The following BAZ2A variants were observed in gnomAD, a reference collection of about 807,000 sequenced individuals.
The protein encoded by BAZ2A is bromodomain adjacent to zinc finger domain protein 2A.
BAZ2A carries 34 observed loss-of-function variants against 199.9 expected under a neutral mutation model. The ratio of observed to expected loss-of-function variants is 0.17; its 90% confidence interval spans 0.13 to 0.23. The LOEUF is 0.23. Among genes scored for constraint, BAZ2A ranks in the 10% least tolerant of loss-of-function variants. The pLI, the probability that BAZ2A is intolerant of heterozygous loss-of-function variation, is 1.00. For missense variants in BAZ2A, 2,002 were observed against 2,391.1 expected (o/e 0.84, Z 3.39); for synonymous variants, 857 against 883.9 (o/e 0.97, Z 0.54).
intron 1 of BAZ2A, among the ~76,000 whole-genome samples, chr12:56,628,177 C>CA (rs57372528): frequency 0.16 from 4,486 of 28,376 alleles, 806 homozygotes; most frequent in African/African-American, 0.48. Flanking sequence ...AACTCCGTCT[C>CA]AAAAAAAAAA....
At chr12:56,630,776 C>G, upstream of BAZ2A, 3 of 985,626 alleles carry the variant, frequency 3.0e-6, no homozygotes, top group Non-Finnish European at 3.6e-6. Flanking sequence ...ACCCACTCAC[C>G]TCTGTCCCTT....
At chr12:56,608,782 T>G (rs1156618276) in intron 10 of BAZ2A, among the ~76,000 whole-genome samples, 1 of 151,360 alleles carries the variant, frequency 6.6e-6, no homozygotes, top group Non-Finnish European at 1.5e-5. Context: ...TTGGTCAGGC[T>G]GGTCTTGAAC....
upstream of BAZ2A, among the ~76,000 whole-genome samples, chr12:56,637,034 T>C (rs1443687434): frequency 6.6e-6 from 1 of 152,192 alleles, no homozygotes; most frequent in Non-Finnish European, 1.5e-5. Flanking sequence ...TCTACCTAAC[T>C]TGATGGACTC....
chr12:56,601,424 A>G, intron 20 of BAZ2A, 22 bp from the exon 21 acceptor site: 1 of 1,604,544 alleles, frequency 6.2e-7, no homozygotes, highest in Non-Finnish European at 8.5e-7. Flanking sequence ...ATGAGACATA[A>G]GGAAATGAGG....
At chr12:56,635,049 C>T, upstream of BAZ2A, 1 of 984,572 alleles carries the variant, frequency 1.0e-6, no homozygotes, top group Non-Finnish European at 1.2e-6. This position sits in a 1 kb window ranked among gnomAD's most constrained non-coding sequence, Gnocchi z 4.1. Context: ...CCGGCGGCGG[C>T]GGAGGGGAGG....
intron 18 of BAZ2A, 53 bp from the exon 19 acceptor site, chr12:56,602,910 G>A: frequency 6.5e-7 from 1 of 1,548,302 alleles, no homozygotes; most frequent in Non-Finnish European, 8.8e-7. Context: ...GAGTGACAGT[G>A]GTGAATTCAT....
chr12:56,634,832 C>A (rs1322828401), upstream of BAZ2A: 30 of 899,292 alleles, frequency 3.3e-5, no homozygotes, highest in Non-Finnish European at 3.9e-5. Context: ...GGGCAGCTCC[C>A]TCAGGGGGAG....
chr12:56,612,665 C>T, intron 5 of BAZ2A, among the ~76,000 whole-genome samples: 1 of 152,166 alleles, frequency 6.6e-6, no homozygotes, highest in Non-Finnish European at 1.5e-5. Flanking sequence ...CTCTGTTGCC[C>T]AGGTTGGAGT....
Position 56,621,120 on chromosome 12 carries a change from C to T in BAZ2A, c.-2-3588G>A, listed in dbSNP as rs2137191356. On this transcript the variant is annotated intron_variant, in intron 1 of 28. Transcript: ENST00000549884. ...CTCTCCCCAGTTTTTTGTACACCTC[C>T]CCTGGTGTGGAGGATACATGCAACT... 4.1e-6 allele frequency: 4 copies of T among 985,340 alleles called. No homozygotes were observed. The South Asian group carries it at 1.9e-4, about 46-fold the overall frequency. The allele number at this position is 985,340 out of a possible 1,614,324, so 61.0% of individuals were successfully genotyped here.
chr12:56,623,301 C>T (rs1172595133), intron 1 of BAZ2A, among the ~76,000 whole-genome samples: 3 of 152,010 alleles, frequency 2.0e-5, no homozygotes, highest in Non-Finnish European at 2.9e-5. Context: ...TATTGCAACA[C>T]TGTTACAGGT....
upstream of BAZ2A, among the ~76,000 whole-genome samples, chr12:56,632,435 G>A (rs1305312942): frequency 1.3e-5 from 2 of 152,088 alleles, no homozygotes; most frequent in Non-Finnish European, 2.9e-5. Flanking sequence ...CGGGGACTGG[G>A]CAGGCAGGGG....
At chr12:56,634,623 T>C (rs1951402280), upstream of BAZ2A, among the ~76,000 whole-genome samples, 1 of 151,812 alleles carries the variant, frequency 6.6e-6, no homozygotes, top group South Asian at 2.1e-4. Context: ...GGGAAAGCGC[T>C]AGTTCAGAGG....
intron 1 of BAZ2A, among the ~76,000 whole-genome samples, chr12:56,620,048 T>C (rs529985974): frequency 7.8e-4 from 119 of 152,184 alleles, no homozygotes; most frequent in Non-Finnish European, 1.4e-3. Context: ...ATCTCCCATA[T>C]AGGATATCTC....
chr12:56,617,543 GGAGA>G lies in BAZ2A; in HGVS notation c.-2-15_-2-12del. ...CGTTTGCCTCCATTTCTGCAGGAGG[GGAGA>G]GAGAGGGAAAAAAAATACTGGCGGT... On this transcript the variant is annotated splice_polypyrimidine_tract_variant and intron_variant, in intron 1 of 28. Transcript: ENST00000549884. 1 of 1,599,116 alleles carries G rather than the reference GGAGA, an allele frequency of 6.3e-7. No homozygotes were observed. Among genetic ancestry groups the G allele is most frequent in the Middle Eastern group, 1.7e-4 (1 of 5,998 alleles).
chr12:56,606,866 T>A, intron 10 of BAZ2A, 133 bp from the exon 11 acceptor site: 1 of 715,874 alleles, frequency 1.4e-6, no homozygotes, highest in South Asian at 1.7e-5. Flanking sequence ...CTTTTTTTTT[T>A]TTTAAGTATA....
At chr12:56,609,031 G>A (rs186834023) in intron 10 of BAZ2A, among the ~76,000 whole-genome samples, 373 of 151,502 alleles carry the variant, frequency 2.5e-3, no homozygotes, top group Middle Eastern at 6.8e-3. Flanking sequence ...ACACCACCAC[G>A]CCCAGCTAAT....
At chr12:56,615,696 A>G in intron 2 of BAZ2A, 89 bp from the exon 3 acceptor site, 3 of 1,046,570 alleles carry the variant, frequency 2.9e-6, no homozygotes, top group Non-Finnish European at 4.1e-6. Flanking sequence ...ACTGACTAGA[A>G]AAAGACATGG....
upstream of BAZ2A, among the ~76,000 whole-genome samples, chr12:56,633,812 G>A (rs1481694450): frequency 6.6e-6 from 1 of 152,194 alleles, no homozygotes; most frequent in Middle Eastern, 3.4e-3. Flanking sequence ...ATCTCAGCTC[G>A]CTGCAACCTA....
At position 56,617,580 on chromosome 12, in the gene BAZ2A, G is replaced by C. The variant is rs574390188; in HGVS notation, c.-2-48C>G. 15 of 1,556,090 alleles carry C rather than the reference G, an allele frequency of 9.6e-6. 1 individual carries two copies. The Admixed American group carries it at 2.2e-4, about 23-fold the overall frequency. On this transcript the variant is annotated intron_variant, in intron 1 of 28. Coordinates refer to ENST00000549884, the MANE Select transcript of BAZ2A (RefSeq NM_001300905.2). ...AAAAAAAATACTGGCGGTTAAACAAGGTTATGTCACCTGGAATCTTCCAGG... is the reference window on the plus strand; with the variant it reads ...AAAAAAAATACTGGCGGTTAAACAACGTTATGTCACCTGGAATCTTCCAGG...
Sources: allele counts gnomAD v4.1 joint callset (sites outside exome capture counted in the v4.1 genomes callset), GRCh38; gene constraint gnomAD v4.1.1; non-coding constraint Gnocchi (gnomAD v3.1); transcripts MANE v1.5; gene names NCBI Gene and HGNC (gene_info 2026-07-23, HGNC 2026-07-21).